Variants in NBPF8 observed in about 807,000 individuals in gnomAD.
NBPF8 encodes the protein NBPF family member NBPF8.
chr1:120,432,027 T>TA (rs1408191614), upstream of NBPF8, among the ~76,000 whole-genome samples: 2 of 120,112 alleles, frequency 1.7e-5, no homozygotes, highest in African/African-American at 6.7e-5. Flanking sequence ...TCTAAACACA[T>TA]AAATGATTAA....
intron 1 of NBPF8, among the ~76,000 whole-genome samples, chr1:120,420,852 C>T (rs1660554830): frequency 6.7e-6 from 1 of 148,326 alleles, no homozygotes. Flanking sequence ...AGGTCACTAC[C>T]CCATGGAACC....
At chr1:120,430,607 AG>A (rs1660849824) in intron 3 of NBPF8, among the ~76,000 whole-genome samples, 1 of 145,036 alleles carries the variant, frequency 6.9e-6, no homozygotes, top group South Asian at 2.2e-4. Flanking sequence ...ACAAAAAATT[AG>A]CTAGGCGTGG....
At chr1:120,415,684 G>A (rs1405208136), upstream of NBPF8, among the ~76,000 whole-genome samples, 1 of 152,212 alleles carries the variant, frequency 6.6e-6, no homozygotes, top group Admixed American at 6.5e-5. Flanking sequence ...CAAAGTTGGG[G>A]TCTTTATTGG....
chr1:120,457,751 A>G (rs1474861407), intron 16 of NBPF8, among the ~76,000 whole-genome samples: 1 of 68,254 alleles, frequency 1.5e-5, no homozygotes, highest in Admixed American at 1.4e-4. Flanking sequence ...ATATATATAT[A>G]TACATACACA....
chr1:120,459,465 A>T, exon 17 of NBPF8: 1 of 1,610,874 alleles, frequency 6.2e-7, no homozygotes, highest in Non-Finnish European at 8.5e-7. Flanking sequence ...GCCTCGTACA[A>T]GTCTTACAGC....
At chr1:120,464,848 T>A (rs1412811712) in intron 23 of NBPF8, among the ~76,000 whole-genome samples, 2 of 125,836 alleles carry the variant, frequency 1.6e-5, no homozygotes, top group South Asian at 2.9e-4. Flanking sequence ...GACTCAAGGG[T>A]TTGTAGATTT....
upstream of NBPF8, among the ~76,000 whole-genome samples, chr1:120,415,170 C>T (rs1339191174): frequency 2.6e-5 from 4 of 152,138 alleles, no homozygotes; most frequent in Non-Finnish European, 5.9e-5. Flanking sequence ...TTTGGGAACG[C>T]GGGACGGGCG....
intron 18 of NBPF8, among the ~76,000 whole-genome samples, chr1:120,461,052 G>T (rs1223597247): frequency 8.3e-4 from 96 of 115,424 alleles, no homozygotes; most frequent in Non-Finnish European, 1.5e-3. Flanking sequence ...GTGTGTGTGT[G>T]TGTGTGTGTG....
intron 1 of NBPF8, among the ~76,000 whole-genome samples, chr1:120,422,222 A>G (rs1570924828): frequency 1.3e-5 from 2 of 152,082 alleles, no homozygotes; most frequent in East Asian, 1.9e-4. Context: ...CAATTGATGA[A>G]CCACTATTGA....
upstream of NBPF8, among the ~76,000 whole-genome samples, chr1:120,415,252 C>A (rs113386571): frequency 2.0e-5 from 3 of 152,178 alleles, no homozygotes; most frequent in South Asian, 6.2e-4. Flanking sequence ...CGGTTTACAG[C>A]GAAGTCCACC....
At chr1:120,426,807 G>A (rs1660740049) in intron 2 of NBPF8, among the ~76,000 whole-genome samples, 2 of 152,098 alleles carry the variant, frequency 1.3e-5, no homozygotes, top group South Asian at 2.1e-4. Context: ...GAAATGATGG[G>A]ACAGACATAG....
chr1:120,436,570 C>T (rs1440230199), exon 1 of NBPF8: 9 of 1,568,438 alleles, frequency 5.7e-6, no homozygotes, highest in South Asian at 1.1e-5. Context: ...CAGAGATGAA[C>T]ATTCTAGAAA....
downstream of NBPF8, among the ~76,000 whole-genome samples, chr1:120,468,621 T>G (rs1440117985): frequency 6.0e-5 from 9 of 149,752 alleles, no homozygotes. Flanking sequence ...CAGAGGATAC[T>G]TCCATGGTCC....
At chr1:120,454,188 A>C in intron 15 of NBPF8, 74 bp downstream of exon 13, 1 of 1,478,256 alleles carries the variant, frequency 6.8e-7, no homozygotes, top group Non-Finnish European at 9.3e-7. Flanking sequence ...CAGGCTCTAT[A>C]AACACAAATT....
intron 16 of NBPF8, among the ~76,000 whole-genome samples, chr1:120,456,442 G>A (rs1207816936): frequency 7.6e-6 from 1 of 132,168 alleles, no homozygotes; most frequent in Non-Finnish European, 1.6e-5. Context: ...ATAAATCTGG[G>A]TGCTCCTGTA....
intron 18 of NBPF8, among the ~76,000 whole-genome samples, chr1:120,461,016 CTGTG>C (rs202089337): frequency 0.078 from 10,273 of 131,162 alleles, 375 homozygotes; most frequent in Middle Eastern, 0.14. Context: ...TGAGCTCGAA[CTGTG>C]TGTGTGTGTG....
chr1:120,449,432 G>C lies in NBPF8; in HGVS notation n.1971+30G>C, dbSNP rs782156599. The C allele has an allele frequency of 1.4e-5, 20 of 1,478,688 alleles. 1 individual carries two copies. The South Asian group carries it at 2.1e-4, about 16-fold the overall frequency. 91.6% of individuals were successfully genotyped at this position (1,478,688 alleles called of 1,614,324 possible). A position where few individuals can be genotyped will look rare whatever the true frequency, so the allele number is the denominator to read the frequency against. ...GATCTACAGGCTCACCATCATGAAA[G>C]TGATGAATGATATCCTGTCTTCTCT... On this transcript the variant is annotated intron_variant and non_coding_transcript_variant, in intron 11 of 24. Coordinates refer to ENST00000583271, the Ensembl canonical transcript of NBPF8.
chr1:120,426,601 TCATTAAAG>T (rs1382249634), intron 2 of NBPF8, among the ~76,000 whole-genome samples: 6 of 144,564 alleles, frequency 4.2e-5, no homozygotes, highest in Middle Eastern at 3.4e-3. Flanking sequence ...AGATTTCATG[TCATTAAAG>T]CATTAGTTCA....
chr1:120,450,052 C>T (rs1461414091), intron 11 of NBPF8, among the ~76,000 whole-genome samples: 2 of 151,940 alleles, frequency 1.3e-5, no homozygotes, highest in African/African-American at 2.4e-5. Flanking sequence ...CATGGAGAAA[C>T]CCCATCTTCA....
Sources: gnomAD v4.1 joint callset for allele counts (sites outside exome capture counted in the v4.1 genomes callset) on GRCh38, gnomAD v4.1.1 for gene constraint, MANE v1.5 for transcripts, NCBI Gene and HGNC (gene_info 2026-07-23, HGNC 2026-07-21) for gene names.